The following FOXP1 variants were observed in gnomAD, a reference collection of about 807,000 sequenced individuals.
The protein encoded by FOXP1 is forkhead box P1.
Under a neutral mutation model 98.2 loss-of-function variants are expected in FOXP1, and 15 were observed. The observed-to-expected ratio is 0.15, with a 90% confidence interval of 0.10 to 0.24. The LOEUF (loss-of-function observed/expected upper bound fraction) is 0.24. Ranked by LOEUF, FOXP1 falls within the 10% of genes least tolerant of loss-of-function variation. FOXP1 has a pLI of 1.00. For synonymous variants in FOXP1, 371 were observed against 314.5 expected (o/e 1.18, Z -1.90); for missense variants, 633 against 848.5 (o/e 0.75, Z 3.15).
intron 2 of FOXP1, among the ~76,000 whole-genome samples, chr3:71,555,669 C>G (rs2046072622): frequency 6.6e-6 from 1 of 152,134 alleles, no homozygotes; most frequent in African/African-American, 2.4e-5. Flanking sequence ...GGAACGTGTT[C>G]CAGGGTCCAT....
intron 3 of FOXP1, among the ~76,000 whole-genome samples, chr3:71,373,531 C>A (rs904286662): frequency 1.3e-5 from 2 of 152,034 alleles, no homozygotes; most frequent in African/African-American, 4.8e-5. Flanking sequence ...TATACTATAC[C>A]AAATGATTTT....
intron 12 of FOXP1, among the ~76,000 whole-genome samples, chr3:71,002,673 C>T (rs998935799): frequency 6.6e-6 from 1 of 152,160 alleles, no homozygotes; most frequent in Non-Finnish European, 1.5e-5. Flanking sequence ...CAGGGAGGGT[C>T]TGCAACTGTC....
chr3:71,126,467 C>T (rs1355167880), intron 6 of FOXP1, among the ~76,000 whole-genome samples: 2 of 151,644 alleles, frequency 1.3e-5, no homozygotes, highest in African/African-American at 4.8e-5. Context: ...CTAGCCTGGG[C>T]CACAGAGTGA....
intron 7 of FOXP1, among the ~76,000 whole-genome samples, chr3:71,100,147 T>A (rs970054152): frequency 6.6e-6 from 1 of 152,178 alleles, no homozygotes; most frequent in Admixed American, 6.5e-5. Flanking sequence ...CCAGTGCCCA[T>A]GGCAGACATA....
intron 3 of FOXP1, among the ~76,000 whole-genome samples, chr3:71,475,645 C>T (rs1023111558): frequency 2.6e-5 from 4 of 152,100 alleles, no homozygotes; most frequent in African/African-American, 9.7e-5. Flanking sequence ...GAGTTCGAGA[C>T]CAGCCTGGCC....
At chr3:70,970,864 C>CTAAGT (rs2107158812) in intron 18 of FOXP1, 59 bp from the exon 19 acceptor site, 1 of 1,366,592 alleles carries the variant, frequency 7.3e-7, no homozygotes, top group African/African-American at 1.4e-5. Flanking sequence ...GAGTTCCTAG[C>CTAAGT]TAAGTTTTGT....
At chr3:71,269,439 A>G (rs564769822) in intron 5 of FOXP1, among the ~76,000 whole-genome samples, 5,077 of 152,294 alleles carry the variant, frequency 0.033, 284 homozygotes, top group African/African-American at 0.12. Flanking sequence ...TCAAAATGTT[A>G]GGCCCAAGAA....
chr3:71,346,904 G>A (rs1415375489), intron 4 of FOXP1, among the ~76,000 whole-genome samples: 5 of 152,188 alleles, frequency 3.3e-5, no homozygotes, highest in Middle Eastern at 3.4e-3. Context: ...TTAGCTGGGC[G>A]TGGTGGCACG....
chr3:70,974,229 T>G (rs184865459), intron 17 of FOXP1, among the ~76,000 whole-genome samples: 1 of 152,232 alleles, frequency 6.6e-6, no homozygotes, highest in East Asian at 1.9e-4. Context: ...CCGAAAACAT[T>G]TGGCATGTCA....
intron 7 of FOXP1, among the ~76,000 whole-genome samples, chr3:71,093,251 T>C (rs74623476): frequency 0.26 from 36,280 of 140,196 alleles, 5,095 homozygotes; most frequent in East Asian, 0.49. Flanking sequence ...AAGACTCCAT[T>C]TCAAAAAATA....
intron 2 of FOXP1, among the ~76,000 whole-genome samples, chr3:71,553,170 G>A (rs1049221626): frequency 6.6e-6 from 1 of 151,978 alleles, no homozygotes; most frequent in African/African-American, 2.4e-5. Context: ...CCTAAATTGA[G>A]GATATTCTCA....
At chr3:71,077,396 T>C (rs1455831812) in intron 7 of FOXP1, among the ~76,000 whole-genome samples, 1 of 151,870 alleles carries the variant, frequency 6.6e-6, no homozygotes, top group Non-Finnish European at 1.5e-5. Context: ...AAGTGGGGAG[T>C]GGGGGAAAGA....
chr3:70,981,074 T>C lies in FOXP1; in HGVS notation c.1147-3045A>G, dbSNP rs549879231. Among the ~76,000 whole-genome samples, 55 of 151,942 alleles carry C rather than the reference T, an allele frequency of 3.6e-4. 1 individual carries two copies. The Middle Eastern group carries it at 0.014, about 38-fold the overall frequency. ...ATTCAGCAAGTGCAAGCCCATCTTTTTGGGTGTTCACAGCTACGAAGAATA... is the reference window on the plus strand; with the variant it reads ...ATTCAGCAAGTGCAAGCCCATCTTTCTGGGTGTTCACAGCTACGAAGAATA... On this transcript the variant is annotated intron_variant, in intron 14 of 20. Transcript: ENST00000649528.
In FOXP1 at chr3:71,147,018, C is replaced by T. The variant is rs543258813; in HGVS notation, c.181-34381G>A. 1.4e-4 allele frequency among the ~76,000 whole-genome samples: 21 copies of T among 152,340 alleles called. No homozygotes were observed. In the South Asian group the frequency reaches 4.3e-3, roughly 32 times the overall value. On this transcript the variant is annotated intron_variant, in intron 6 of 20. Transcript: ENST00000649528. ...TCCCCCACACAAAGCCCCTCGTGCT[C>T]CAAGTTCAAACTAGCATTTACTCTG...
intron 11 of FOXP1, among the ~76,000 whole-genome samples, chr3:71,020,654 T>G (rs898600808): frequency 1.3e-5 from 2 of 152,216 alleles, no homozygotes; most frequent in Non-Finnish European, 2.9e-5. Context: ...AGAGTGACCT[T>G]GCTATCTGCC....
At chr3:71,479,084 G>A in intron 3 of FOXP1, among the ~76,000 whole-genome samples, 1 of 152,166 alleles carries the variant, frequency 6.6e-6, no homozygotes, top group East Asian at 1.9e-4. Flanking sequence ...ATCCCAAAAG[G>A]GGGAGGGGGT....
chr3:71,266,961 C>G (rs1576665630), intron 5 of FOXP1, among the ~76,000 whole-genome samples: 1 of 152,150 alleles, frequency 6.6e-6, no homozygotes, highest in East Asian at 1.9e-4. Flanking sequence ...CAGATTTAAC[C>G]TCCCATCACA....
intron 3 of FOXP1, among the ~76,000 whole-genome samples, chr3:71,484,753 TCAGTGTGGGCC>T (rs1163944389): frequency 1.3e-5 from 2 of 152,068 alleles, no homozygotes; most frequent in African/African-American, 4.8e-5. Context: ...GGCCTGTGTC[TCAGTGTGGGCC>T]CGAAAGTCTG....
intron 6 of FOXP1, among the ~76,000 whole-genome samples, chr3:71,147,672 G>T (rs1352422799): frequency 6.6e-6 from 1 of 152,086 alleles, no homozygotes; most frequent in African/African-American, 2.4e-5. Flanking sequence ...TTCTAGTCAG[G>T]TTCATCTCTG....
Sources: allele counts gnomAD v4.1 joint callset (sites outside exome capture counted in the v4.1 genomes callset), GRCh38; gene constraint gnomAD v4.1.1; transcripts MANE v1.5; gene names NCBI Gene and HGNC (gene_info 2026-07-23, HGNC 2026-07-21).